The following SNTG1 variants were observed in gnomAD, a reference collection of about 807,000 sequenced individuals.
SNTG1 encodes the protein syntrophin gamma 1, also known as gamma-1-syntrophin.
SNTG1 carries 39 observed loss-of-function variants against 74.7 expected under a neutral mutation model. The ratio of observed to expected loss-of-function variants is 0.52; its 90% CI spans 0.40 to 0.68. SNTG1 has a LOEUF of 0.68. Among genes scored for constraint, SNTG1 ranks in the 30% least tolerant of loss-of-function variants. The pLI, the probability that SNTG1 is intolerant of heterozygous loss-of-function variation, is 0.00. For missense variants in SNTG1, 685 were observed against 609.5 expected (o/e 1.12, Z -1.30); for synonymous variants, 254 against 217.1 (o/e 1.17, Z -1.49).
chr8:50,294,690 A>T (rs1479196770), intron 2 of SNTG1, among the ~76,000 whole-genome samples: 4 of 152,236 alleles, frequency 2.6e-5, no homozygotes. Context: ...CAGATTTAAA[A>T]GTTAGTCTCA....
At chr8:50,576,586 C>T (rs2094577968) in intron 12 of SNTG1, among the ~76,000 whole-genome samples, 2 of 152,078 alleles carry the variant, frequency 1.3e-5, no homozygotes, top group Non-Finnish European at 2.9e-5. Flanking sequence ...TAAATCTTCA[C>T]ATCTATGAAG....
At chr8:50,438,373 C>A (rs1211449127) in intron 4 of SNTG1, among the ~76,000 whole-genome samples, 170 bp from the exon 5 acceptor site, 1 of 152,006 alleles carries the variant, frequency 6.6e-6, no homozygotes, top group South Asian at 2.1e-4. Flanking sequence ...ATTTAAAAGT[C>A]AAAGACTATT....
chr8:50,197,242 C>A (rs995169837), intron 2 of SNTG1, among the ~76,000 whole-genome samples: 1 of 151,974 alleles, frequency 6.6e-6, no homozygotes, highest in African/African-American at 2.4e-5. Context: ...ATGCAAGGCC[C>A]GCCTGATTAT....
At chr8:50,499,312 GT>G (rs937855747) in intron 8 of SNTG1, among the ~76,000 whole-genome samples, 1 of 151,308 alleles carries the variant, frequency 6.6e-6, no homozygotes, top group African/African-American at 2.4e-5. Flanking sequence ...TGATTTTATA[GT>G]TTTTTTAAAC....
At chr8:50,548,807 AAT>A (rs2094406080) in intron 11 of SNTG1, among the ~76,000 whole-genome samples, 1 of 152,200 alleles carries the variant, frequency 6.6e-6, no homozygotes, top group Non-Finnish European at 1.5e-5. Flanking sequence ...TAACATTTGA[AAT>A]GGATTTTGAC....
chr8:50,111,172 C>T (rs931587548), intron 1 of SNTG1, among the ~76,000 whole-genome samples: 3 of 152,080 alleles, frequency 2.0e-5, no homozygotes, highest in African/African-American at 7.2e-5. Context: ...CCTTACTCTC[C>T]TAGCTCCCTC....
At chr8:50,255,428 A>G (rs2086837716) in intron 2 of SNTG1, among the ~76,000 whole-genome samples, 1 of 152,214 alleles carries the variant, frequency 6.6e-6, no homozygotes, top group African/African-American at 2.4e-5. Flanking sequence ...GGCTACCATA[A>G]CAAAGTGGCA....
At chr8:50,007,003 A>G (rs1258084751) in intron 1 of SNTG1, among the ~76,000 whole-genome samples, 1 of 152,098 alleles carries the variant, frequency 6.6e-6, no homozygotes, top group East Asian at 1.9e-4. Context: ...TGTTTGTAGC[A>G]GTTGCCCCTG....
intron 1 of SNTG1, among the ~76,000 whole-genome samples, chr8:50,170,866 G>A (rs935177728): frequency 2.0e-5 from 3 of 152,168 alleles, no homozygotes; most frequent in South Asian, 4.1e-4. Flanking sequence ...ACCTCCTGGA[G>A]GACTTGGGCA....
At chr8:50,114,605 A>G (rs1269858390) in intron 1 of SNTG1, among the ~76,000 whole-genome samples, 2 of 152,132 alleles carry the variant, frequency 1.3e-5, no homozygotes, top group Non-Finnish European at 2.9e-5. Flanking sequence ...AGTGGCTCAC[A>G]CCTGTAATCC....
intron 2 of SNTG1, among the ~76,000 whole-genome samples, chr8:50,225,172 C>T (rs1191489001): frequency 1.3e-5 from 2 of 152,034 alleles, no homozygotes; most frequent in African/African-American, 2.4e-5. Flanking sequence ...CGGGGTTTCA[C>T]CATGTTAGAC....
chr8:50,623,154 G>C (rs143385787), intron 13 of SNTG1, among the ~76,000 whole-genome samples: 1 of 152,080 alleles, frequency 6.6e-6, no homozygotes, highest in East Asian at 1.9e-4. Context: ...TTACAACTTA[G>C]ACACATTTAT....
chr8:50,583,706 A>G (rs569812943), intron 12 of SNTG1, among the ~76,000 whole-genome samples: 2 of 149,852 alleles, frequency 1.3e-5, no homozygotes, highest in African/African-American at 5.0e-5. Flanking sequence ...AAATAGCAAA[A>G]TGCTGAGCTT....
chr8:50,712,593 C>A (rs1437420275), intron 17 of SNTG1, among the ~76,000 whole-genome samples: 1 of 151,830 alleles, frequency 6.6e-6, no homozygotes, highest in Non-Finnish European at 1.5e-5. Context: ...ATCCATCAAC[C>A]CGTCATCTAG....
At chr8:50,222,128 A>G (rs1226163287) in intron 2 of SNTG1, among the ~76,000 whole-genome samples, 1 of 152,190 alleles carries the variant, frequency 6.6e-6, no homozygotes, top group East Asian at 1.9e-4. Context: ...GAAAAGACAT[A>G]TCAAAAGGCC....
chr8:50,315,133 T>C (rs1004404397), intron 2 of SNTG1, among the ~76,000 whole-genome samples: 6 of 149,904 alleles, frequency 4.0e-5, no homozygotes, highest in Non-Finnish European at 7.4e-5. Flanking sequence ...CTTGTATATA[T>C]ATTATTTATA....
intron 2 of SNTG1, among the ~76,000 whole-genome samples, chr8:50,267,893 A>G (rs897564043): frequency 2.6e-5 from 4 of 152,178 alleles, no homozygotes; most frequent in African/African-American, 9.6e-5. Flanking sequence ...GAACAAAGCA[A>G]GGGTATACAT....
chr8:50,274,951 A>G (rs560074070), intron 2 of SNTG1, among the ~76,000 whole-genome samples: 1 of 152,318 alleles, frequency 6.6e-6, no homozygotes, highest in African/African-American at 2.4e-5. Context: ...TTACAATTCT[A>G]TAATCCTGTT....
At chr8:50,056,382 A>G (rs10957764) in intron 1 of SNTG1, among the ~76,000 whole-genome samples, 23,982 of 152,124 alleles carry the variant, frequency 0.16, 2,358 homozygotes, top group Middle Eastern at 0.27. Context: ...AGGCTACAAT[A>G]TCTTCCTCCT....
Sources: gnomAD v4.1 joint callset for allele counts (sites outside exome capture counted in the v4.1 genomes callset) on GRCh38, gnomAD v4.1.1 for gene constraint, MANE v1.5 for transcripts, NCBI Gene and HGNC (gene_info 2026-07-23, HGNC 2026-07-21) for gene names.